Variants in ABCB1 observed in about 807,000 individuals in gnomAD.
ABCB1 encodes ATP binding cassette subfamily B member 1.
ABCB1 carries 69 observed loss-of-function variants against 142.0 expected under a neutral mutation model. The ratio of observed to expected loss-of-function variants is 0.49; its 90% CI spans 0.40 to 0.59. The LOEUF (loss-of-function observed/expected upper bound fraction) is 0.59. Among genes scored for constraint, ABCB1 ranks in the 20% least tolerant of loss-of-function variants. The pLI, the probability that ABCB1 is intolerant of heterozygous loss-of-function variation, is 0.00. For missense variants in ABCB1, 1,326 were observed against 1,554.7 expected (o/e 0.85, Z 2.47); for synonymous variants, 532 against 539.2 (o/e 0.99, Z 0.18).
At chr7:87,582,972 G>A (rs1187618943) in intron 4 of ABCB1, among the ~76,000 whole-genome samples, 2 of 152,114 alleles carry the variant, frequency 1.3e-5, no homozygotes, top group East Asian at 3.8e-4. Flanking sequence ...TACTTAAAGG[G>A]ATGATTATTC....
chr7:87,576,095 T>C (rs1423198359), intron 4 of ABCB1, among the ~76,000 whole-genome samples: 1 of 152,162 alleles, frequency 6.6e-6, no homozygotes, highest in African/African-American at 2.4e-5. Flanking sequence ...TTATTCAGTC[T>C]TTTATTTATT....
intron 1 of ABCB1, chr7:87,694,116 C>T (rs772162142): frequency 4.6e-5 from 34 of 745,204 alleles, no homozygotes; most frequent in Non-Finnish European, 5.6e-5. Context: ...TTTTTTTAAT[C>T]CAGAGAGCAC....
intron 7 of ABCB1, among the ~76,000 whole-genome samples, chr7:87,563,628 C>G (rs951700868): frequency 1.3e-5 from 2 of 152,224 alleles, no homozygotes; most frequent in Admixed American, 1.3e-4. Context: ...TCTCAACAAA[C>G]AAGGTATTAA....
intron 25 of ABCB1, among the ~76,000 whole-genome samples, chr7:87,514,885 A>T (rs1014276428): frequency 1.3e-5 from 2 of 152,148 alleles, no homozygotes; most frequent in African/African-American, 4.8e-5. Context: ...AACAGTCTCC[A>T]TCCTTGGCTT....
rs117925987 is a variant in ABCB1 at position 87,664,181 on chromosome 7, C to G, written c.-331+48980G>C. 7.5e-3 allele frequency among the ~76,000 whole-genome samples: 1,142 copies of G among 152,008 alleles called. 8 individuals carry two copies. The highest frequency in any genetic ancestry group is 0.012 in the Non-Finnish European group (829 of 67,958). ...ATTAAATTAAAAATATACAGGGTAGCCAGGCATGGTGGCACACTTCTGTAG... is the reference window on the plus strand; with the variant it reads ...ATTAAATTAAAAATATACAGGGTAGGCAGGCATGGTGGCACACTTCTGTAG... On this transcript the variant is annotated intron_variant, in intron 1 of 28. Coordinates refer to the ABCB1 transcript ENST00000265724.
intron 20 of ABCB1, among the ~76,000 whole-genome samples, chr7:87,533,852 A>T (rs1462002392): frequency 6.6e-6 from 1 of 152,132 alleles, no homozygotes. Flanking sequence ...CAACCTGCTC[A>T]TTTCCTCTTC....
chr7:87,699,976 A>C (rs1237939315), intron 1 of ABCB1, among the ~76,000 whole-genome samples: 2 of 152,142 alleles, frequency 1.3e-5, no homozygotes, highest in Non-Finnish European at 2.9e-5. Context: ...CCTTATGAAG[A>C]GGAGAAAAGA....
upstream of ABCB1, among the ~76,000 whole-genome samples, chr7:87,603,603 A>C (rs1270037304): frequency 2.6e-5 from 4 of 152,186 alleles, no homozygotes; most frequent in Non-Finnish European, 2.9e-5. Context: ...CAACATGTAC[A>C]TGTTCACTCC....
intron 17 of ABCB1, 52 bp downstream of exon 17, chr7:87,544,077 A>G: frequency 6.2e-7 from 1 of 1,605,918 alleles, no homozygotes; most frequent in Non-Finnish European, 8.5e-7. Context: ...TTATTCGTTC[A>G]TTCTTCCATC....
chr7:87,700,503 T>C, intron 1 of ABCB1: 1 of 1,613,634 alleles, frequency 6.2e-7, no homozygotes, highest in Non-Finnish European at 8.5e-7. Context: ...TTTCACAGAA[T>C]TGTATCTGCA....
intron 19 of ABCB1, 139 bp downstream of exon 19, chr7:87,539,129 G>T (rs967693471): frequency 2.2e-6 from 2 of 907,138 alleles, no homozygotes; most frequent in South Asian, 1.4e-5. Flanking sequence ...CGGTTCAACC[G>T]CATCTCTGAC....
chr7:87,545,940 C>T lies in ABCB1; in HGVS notation c.1810G>A (p.Gly604Arg). The change falls in exon 15 of 28, where the codon GGA (glycine) becomes AGA (arginine). Residue 604 changes from glycine (G) to arginine (R), a missense_variant. Gly to Arg is a moderately radical substitution (Grantham distance 125, BLOSUM62 -2). Coordinates refer to ENST00000622132, the MANE Select transcript of ABCB1 (RefSeq NM_001348946.2). ...TGATTTCCTTTCTCCACAATGACTCCATCATCGAAACCAGCGATGACGTCA... is the reference window on the plus strand; with the variant it reads ...TGATTTCCTTTCTCCACAATGACTCTATCATCGAAACCAGCGATGACGTCA... ...NADVIAGFDD[G>R]VIVEKGNHDE... 1 of 1,614,126 alleles carries T rather than the reference C, an allele frequency of 6.2e-7. No individual in the cohort carries two copies. The highest frequency in any genetic ancestry group is 8.5e-7 in the Non-Finnish European group (1 of 1,180,006).
intron 1 of ABCB1, among the ~76,000 whole-genome samples, chr7:87,683,277 G>T (rs190557633): frequency 3.9e-5 from 6 of 152,164 alleles, no homozygotes; most frequent in African/African-American, 1.4e-4. Context: ...CAGCAATAAG[G>T]CTCTTTCACT....
Position 87,553,920 on chromosome 7 carries a change from AT to A in ABCB1, c.839del (p.Asn280IlefsTer2). On this transcript the variant is annotated frameshift_variant, in exon 9 of 28. Transcript: ENST00000622132. LOFTEE classifies it high-confidence loss of function. ...QKKELERYNK[N>X]LEEAKRIGIK... ...TCCCAATTCTTTTAGCTTCTTCTAA[AT>A]TTTTGTTGTACCTGAGAAAAAGAAC... is the stretch of plus-strand genomic sequence containing the variant. 1 of 1,613,614 alleles carries A rather than the reference AT, an allele frequency of 6.2e-7. No individual in the cohort carries two copies. The highest frequency in any genetic ancestry group is 1.1e-5 in the South Asian group (1 of 91,066).
intron 19 of ABCB1, 90 bp downstream of exon 19, chr7:87,539,178 G>C: frequency 7.2e-7 from 1 of 1,387,398 alleles, no homozygotes. Context: ...GCTAGGCCTG[G>C]GAAACATGAC....
chr7:87,576,943 A>G (rs1818295166), intron 4 of ABCB1, among the ~76,000 whole-genome samples: 1 of 152,010 alleles, frequency 6.6e-6, no homozygotes, highest in Non-Finnish European at 1.5e-5. Flanking sequence ...AGTTATTTTT[A>G]AATGTGCAAT....
intron 7 of ABCB1, among the ~76,000 whole-genome samples, chr7:87,563,919 A>T (rs1584883995): frequency 6.6e-6 from 1 of 152,206 alleles, no homozygotes; most frequent in Admixed American, 6.5e-5. Context: ...AGGAACAGAA[A>T]ACTAAATACT....
At position 87,559,274 on chromosome 7, in the gene ABCB1, G is replaced by A. The variant is rs551651743; in HGVS notation, c.827+1989C>T. Among the ~76,000 whole-genome samples, 4 of 152,088 alleles carry A rather than the reference G, an allele frequency of 2.6e-5. No individual in the cohort carries two copies. In the East Asian group the frequency reaches 7.7e-4, roughly 29 times the overall value. Reference sequence around the variant, plus strand: ...TAACTTTGAATTCAATTATTTTAACGATTATGGGTTTACTCAGATCTTCTC... The same window carrying A: ...TAACTTTGAATTCAATTATTTTAACAATTATGGGTTTACTCAGATCTTCTC... On this transcript the variant is annotated intron_variant, in intron 8 of 27. Coordinates refer to ENST00000622132, the MANE Select transcript of ABCB1 (RefSeq NM_001348946.2).
chr7:87,566,339 G>C, intron 6 of ABCB1, 98 bp from the exon 7 acceptor site: 1 of 1,219,688 alleles, frequency 8.2e-7, no homozygotes, highest in South Asian at 1.2e-5. Flanking sequence ...TATGGCTAGA[G>C]TATTTTGTGC....
Sources: allele counts gnomAD v4.1 joint callset (sites outside exome capture counted in the v4.1 genomes callset), GRCh38; gene constraint gnomAD v4.1.1; transcripts MANE v1.5; gene names NCBI Gene and HGNC (gene_info 2026-07-23, HGNC 2026-07-21).